CFAP299: variants seen among roughly 807,000 people sequenced by gnomAD.
CFAP299 encodes the protein cilia- and flagella-associated protein 299.
Under a neutral mutation model 27.0 loss-of-function variants are expected in CFAP299, and 21 were observed. The ratio of observed to expected loss-of-function variants is 0.78; its 90% CI spans 0.55 to 1.12. CFAP299 has a LOEUF of 1.12. CFAP299 is among the 50% of genes most tolerant of loss of function. CFAP299 has a pLI of 0.00. For synonymous variants in CFAP299, 104 were observed against 98.1 expected, an observed-to-expected ratio of 1.06 and a Z score of -0.36; for missense variants, 310 against 276.6, an observed-to-expected ratio of 1.12 and a Z score of -0.86.
intron 4 of CFAP299, among the ~76,000 whole-genome samples, chr4:80,944,304 T>C (rs1227563955): frequency 6.8e-6 from 1 of 147,740 alleles, no homozygotes; most frequent in African/African-American, 2.5e-5. Flanking sequence ...ATAGATCACA[T>C]CACGTTTGGC....
chr4:80,675,747 C>A (rs968570815), intron 3 of CFAP299, among the ~76,000 whole-genome samples: 2 of 152,188 alleles, frequency 1.3e-5, no homozygotes, highest in African/African-American at 4.8e-5. Flanking sequence ...TCAGCAATGG[C>A]AGACACCCCT....
upstream of CFAP299, among the ~76,000 whole-genome samples, chr4:80,335,321 T>A (rs1232528814): frequency 6.6e-6 from 1 of 152,202 alleles, no homozygotes; most frequent in Non-Finnish European, 1.5e-5. Flanking sequence ...TTTAACAAAA[T>A]CATTATTTTA....
intron 3 of CFAP299, among the ~76,000 whole-genome samples, chr4:80,855,995 G>A (rs1324659865): frequency 3.3e-5 from 5 of 151,700 alleles, no homozygotes; most frequent in East Asian, 1.9e-4. Flanking sequence ...GACTTCCACA[G>A]TGGTTGAACT....
intron 2 of CFAP299, among the ~76,000 whole-genome samples, chr4:80,565,077 A>G (rs867141485): frequency 8.5e-5 from 13 of 152,058 alleles, no homozygotes; most frequent in African/African-American, 3.1e-4. Context: ...GAGGAACTTT[A>G]TAATATTGAA....
At chr4:80,384,657 T>C (rs1396170924) in intron 2 of CFAP299, among the ~76,000 whole-genome samples, 1 of 152,040 alleles carries the variant, frequency 6.6e-6, no homozygotes, top group Non-Finnish European at 1.5e-5. Flanking sequence ...TAGAGGTAAA[T>C]TGAAGGAAGG....
At chr4:80,721,503 A>G (rs1456441045) in intron 3 of CFAP299, among the ~76,000 whole-genome samples, 1 of 152,116 alleles carries the variant, frequency 6.6e-6, no homozygotes, top group Non-Finnish European at 1.5e-5. Context: ...GGCACCAGTT[A>G]TGTTAGATCA....
At chr4:80,591,105 A>ATTTTTTTT (rs70944795) in intron 3 of CFAP299, among the ~76,000 whole-genome samples, 1 of 126,862 alleles carries the variant, frequency 7.9e-6, no homozygotes, top group African/African-American at 3.1e-5. Context: ...ACTTTAGGAA[A>ATTTTTTTT]TTTTTTTTTT....
intron 3 of CFAP299, among the ~76,000 whole-genome samples, chr4:80,728,475 T>C (rs1384988120): frequency 1.3e-5 from 2 of 152,174 alleles, no homozygotes; most frequent in Non-Finnish European, 2.9e-5. Flanking sequence ...TTTGACTGTA[T>C]GAAACTATTC....
intron 2 of CFAP299, among the ~76,000 whole-genome samples, chr4:80,434,770 T>C (rs890204393): frequency 3.9e-5 from 6 of 152,220 alleles, no homozygotes; most frequent in Admixed American, 3.3e-4. Flanking sequence ...ATTTAGCATT[T>C]GGTAGGCGGG....
At chr4:80,808,314 T>C (rs926676175) in intron 3 of CFAP299, among the ~76,000 whole-genome samples, 1 of 152,136 alleles carries the variant, frequency 6.6e-6, no homozygotes, top group Non-Finnish European at 1.5e-5. Flanking sequence ...CTTCATAACA[T>C]GCTGCTACCC....
chr4:80,440,714 G>A (rs556023257), intron 2 of CFAP299, among the ~76,000 whole-genome samples: 1 of 152,288 alleles, frequency 6.6e-6, no homozygotes, highest in Non-Finnish European at 1.5e-5. Flanking sequence ...TGAATTTGAT[G>A]AATAGACAGA....
At chr4:80,519,679 T>C (rs1051867636) in intron 2 of CFAP299, among the ~76,000 whole-genome samples, 1 of 152,118 alleles carries the variant, frequency 6.6e-6, no homozygotes, top group Non-Finnish European at 1.5e-5. Context: ...GTTCAATAAG[T>C]CAGCCACCTA....
intron 2 of CFAP299, among the ~76,000 whole-genome samples, chr4:80,481,788 A>T (rs1358397665): frequency 6.6e-6 from 1 of 152,128 alleles, no homozygotes; most frequent in African/African-American, 2.4e-5. Context: ...TATTATATGT[A>T]TTAATTATTA....
At chr4:80,543,012 G>A (rs548840092) in intron 2 of CFAP299, among the ~76,000 whole-genome samples, 1 of 152,070 alleles carries the variant, frequency 6.6e-6, no homozygotes, top group Non-Finnish European at 1.5e-5. Context: ...AGCCCAGCCA[G>A]GGCTCAACCT....
intron 2 of CFAP299, among the ~76,000 whole-genome samples, chr4:80,364,217 C>A (rs993104428): frequency 1.3e-5 from 2 of 151,510 alleles, no homozygotes; most frequent in African/African-American, 4.9e-5. Flanking sequence ...GGATGGCATT[C>A]TTGTCTTGAG....
chr4:80,784,373 G>C (rs892415016), intron 3 of CFAP299, among the ~76,000 whole-genome samples: 1 of 152,068 alleles, frequency 6.6e-6, no homozygotes, highest in Non-Finnish European at 1.5e-5. Context: ...TCTGTCTTTT[G>C]AGGATGCCCA....
chr4:80,522,872 C>T (rs1231747505), intron 2 of CFAP299, among the ~76,000 whole-genome samples: 1 of 151,984 alleles, frequency 6.6e-6, no homozygotes, highest in Non-Finnish European at 1.5e-5. Flanking sequence ...TGTCATTATT[C>T]CAGTACCATA....
intron 4 of CFAP299, among the ~76,000 whole-genome samples, chr4:80,881,152 C>G (rs1733684408): frequency 6.6e-6 from 1 of 152,170 alleles, no homozygotes; most frequent in Non-Finnish European, 1.5e-5. Context: ...TCAGAACCCT[C>G]TATGGAGTGA....
intron 3 of CFAP299, among the ~76,000 whole-genome samples, chr4:80,623,738 C>T (rs1473506427): frequency 2.0e-5 from 3 of 152,148 alleles, no homozygotes; most frequent in African/African-American, 7.2e-5. Flanking sequence ...CCAATACTGA[C>T]ACCAACACAG....
Sources: gnomAD v4.1 joint callset for allele counts (sites outside exome capture counted in the v4.1 genomes callset) on GRCh38, gnomAD v4.1.1 for gene constraint, MANE v1.5 for transcripts, NCBI Gene and HGNC (gene_info 2026-07-23, HGNC 2026-07-21) for gene names.